Variants in LRRIQ1 observed in about 807,000 individuals in gnomAD.
LRRIQ1 encodes leucine-rich repeat- and IQ domain-containing protein 1.
LRRIQ1 carries 210 observed loss-of-function variants against 211.9 expected under a neutral mutation model. That is an observed-to-expected ratio of 0.99 (90% confidence interval 0.89 to 1.11). The LOEUF (loss-of-function observed/expected upper bound fraction) is 1.11, where lower values mean the gene tolerates loss of function less well. Among genes scored for constraint, LRRIQ1 ranks in the 50% most tolerant of loss-of-function variants. The pLI is 0.00. For synonymous variants in LRRIQ1, 699 were observed against 650.1 expected, an observed-to-expected ratio of 1.08 and a Z score of -1.14; for missense variants, 2,136 against 1,939.5, an observed-to-expected ratio of 1.10 and a Z score of -1.90.
intron 18 of LRRIQ1, among the ~76,000 whole-genome samples, chr12:85,131,020 G>T (rs1180996958): frequency 6.6e-6 from 1 of 150,418 alleles, no homozygotes; most frequent in African/African-American, 2.5e-5. Flanking sequence ...GACCAGTCTG[G>T]CCAACGTGGT....
chr12:85,124,666 A>G (rs2136448654), intron 17 of LRRIQ1, 147 bp downstream of exon 17: 1 of 645,812 alleles, frequency 1.5e-6, no homozygotes, highest in East Asian at 2.8e-5. Context: ...CGTGAGGTGC[A>G]TTATGTTTTC....
chr12:85,237,210 T>G (rs1035759508), intron 26 of LRRIQ1, among the ~76,000 whole-genome samples: 1 of 151,998 alleles, frequency 6.6e-6, no homozygotes, highest in African/African-American at 2.4e-5. Context: ...ATCAAACAAC[T>G]ATTTTATAAG....
intron 1 of LRRIQ1, among the ~76,000 whole-genome samples, chr12:85,257,087 T>TATAATTATATAAATATATATA (rs1593032157): frequency 2.4e-4 from 23 of 93,884 alleles, no homozygotes; most frequent in African/African-American, 7.9e-4. Context: ...TATATAATTA[T>TATAATTATATAAATATATATA]ATTATATAAT....
chr12:85,137,874 C>T lies in LRRIQ1; in HGVS notation c.4234C>T (p.Arg1412Ter), dbSNP rs759290787. ...GGCAGTTTGGAAGGGCTTTATTTTG[C>T]GAAAGAAACTGACAACAGCTCTAGA... ...IQAVWKGFILRKKLTTALEAI... is the reference protein window; with the variant it reads ...IQAVWKGFIL Residue 1412 changes from arginine to a stop codon, truncating the protein, a stop_gained, in exon 19 of 27, where the codon CGA (arginine) becomes TGA (stop). Coordinates refer to ENST00000393217, the MANE Select transcript of LRRIQ1 (RefSeq NM_001079910.2). LOFTEE classifies it high-confidence loss of function. The T allele has an allele frequency of 6.9e-6, 11 of 1,592,772 alleles. No individual in the cohort carries two copies. In the South Asian group the frequency reaches 8.0e-5, roughly 12 times the overall value.
At chr12:85,234,642 A>T (rs1565920040) in intron 26 of LRRIQ1, among the ~76,000 whole-genome samples, 1 of 152,044 alleles carries the variant, frequency 6.6e-6, no homozygotes, top group Non-Finnish European at 1.5e-5. Context: ...AGGGAACTGG[A>T]GGCAGATAAT....
chr12:85,227,996 C>T (rs1894750804), intron 24 of LRRIQ1, among the ~76,000 whole-genome samples: 2 of 152,138 alleles, frequency 1.3e-5, no homozygotes, highest in African/African-American at 4.8e-5. Flanking sequence ...TGGATCCCTT[C>T]CTTACACCTT....
At position 85,244,962 on chromosome 12, in the gene LRRIQ1, G is replaced by A; in HGVS notation, c.*21G>A. The A allele has an allele frequency of 1.2e-6, 2 of 1,607,050 alleles. No homozygotes were observed. The highest frequency in any genetic ancestry group is 1.1e-5 in the South Asian group (1 of 90,386). Reference sequence around the variant, plus strand: ...TTTAGAAATCACAAACGAATTGATGGAACCTAATGCCAACAAGCATTCTTT... The same window carrying A: ...TTTAGAAATCACAAACGAATTGATGAAACCTAATGCCAACAAGCATTCTTT... On this transcript the variant is annotated 3_prime_UTR_variant, in exon 27 of 27. Coordinates refer to ENST00000393217, the MANE Select transcript of LRRIQ1 (RefSeq NM_001079910.2).
In LRRIQ1 at chr12:85,055,948, A is replaced by G. The variant is rs1221277080; in HGVS notation, c.1155A>G (p.Ile385Met). The G allele has an allele frequency of 1.9e-6, 3 of 1,607,908 alleles. No individual in the cohort carries two copies. The highest frequency in any genetic ancestry group is 1.1e-5 in the South Asian group (1 of 89,502). ...AACTAATAAGCAAGGAAAAAATAATATTAAGAGAAGATGCAAGCCAACAGC... is the reference window on the plus strand; with the variant it reads ...AACTAATAAGCAAGGAAAAAATAATGTTAAGAGAAGATGCAAGCCAACAGC... The part of the protein sequence containing the change: ...REQLISKEKI[I>M]LREDASQQLI... Residue 385 changes from isoleucine (I) to methionine (M), a missense_variant, in exon 8 of 27, where the codon ATA becomes ATG. By Grantham distance (10) the Ile-to-Met change is conservative. Coordinates refer to ENST00000393217, the MANE Select transcript of LRRIQ1 (RefSeq NM_001079910.2).
intron 19 of LRRIQ1, among the ~76,000 whole-genome samples, chr12:85,140,149 A>T (rs1012034657): frequency 1.3e-5 from 2 of 151,348 alleles, no homozygotes; most frequent in African/African-American, 2.4e-5. Context: ...ACTGAATTTA[A>T]TTTACCTTGT....
At chr12:85,131,464 C>G (rs1235566362) in intron 18 of LRRIQ1, among the ~76,000 whole-genome samples, 2 of 152,060 alleles carry the variant, frequency 1.3e-5, no homozygotes, top group African/African-American at 4.8e-5. Context: ...AGCACTTACC[C>G]TACCCCACTT....
intron 1 of LRRIQ1, among the ~76,000 whole-genome samples, chr12:85,252,274 G>C (rs1447781156): frequency 1.3e-5 from 2 of 151,752 alleles, no homozygotes; most frequent in South Asian, 4.1e-4. Context: ...AAAGAAAAAA[G>C]GTAGTTTTCT....
intron 24 of LRRIQ1, among the ~76,000 whole-genome samples, chr12:85,171,379 G>T (rs1266229257): frequency 1.3e-5 from 2 of 152,008 alleles, no homozygotes; most frequent in East Asian, 3.9e-4. Context: ...CAAAAGTGAA[G>T]AAAAAGCTGA....
intron 24 of LRRIQ1, among the ~76,000 whole-genome samples, chr12:85,165,495 CAG>C (rs375121997): frequency 1.7e-5 from 2 of 115,798 alleles, no homozygotes; most frequent in African/African-American, 3.4e-5. Flanking sequence ...TTTTTTGAGA[CAG>C]AGTCTTGCTC....
chr12:85,204,320 G>T (rs1893438441), intron 24 of LRRIQ1, among the ~76,000 whole-genome samples: 1 of 152,330 alleles, frequency 6.6e-6, no homozygotes, highest in East Asian at 1.9e-4. Context: ...TGCTAGGGCA[G>T]CAAGGAAGGG....
intron 24 of LRRIQ1, among the ~76,000 whole-genome samples, chr12:85,201,386 A>G (rs1283378170): frequency 6.6e-6 from 1 of 151,552 alleles, no homozygotes; most frequent in Non-Finnish European, 1.5e-5. Context: ...CTTCTTTTAT[A>G]CATTTGGTAT....
At chr12:85,083,480 G>A (rs940474623) in intron 11 of LRRIQ1, among the ~76,000 whole-genome samples, 4 of 147,038 alleles carry the variant, frequency 2.7e-5, no homozygotes, top group East Asian at 2.0e-4. Flanking sequence ...TCACTCTGTC[G>A]CCAGGCTGGA....
At chr12:85,174,723 A>AAAAAAAAAAAAAAAAAC (rs1891602304) in intron 24 of LRRIQ1, among the ~76,000 whole-genome samples, 3 of 148,372 alleles carry the variant, frequency 2.0e-5, no homozygotes, top group African/African-American at 7.5e-5. Context: ...AAAAAAAAAA[A>AAAAAAAAAAAAAAAAAC]TCTGAGATCC....
chr12:85,271,548 A>C, the LRRIQ1 span, among the ~76,000 whole-genome samples: 3 of 152,076 alleles, frequency 2.0e-5, no homozygotes, highest in Non-Finnish European at 4.4e-5. Flanking sequence ...CTTTCTCTAT[A>C]AAAATAGTTT....
At chr12:85,173,199 G>A (rs533213933) in intron 24 of LRRIQ1, among the ~76,000 whole-genome samples, 1 of 152,094 alleles carries the variant, frequency 6.6e-6, no homozygotes, top group African/African-American at 2.4e-5. Context: ...TGTAAATTCT[G>A]TAAATTTAAC....
Sources: gnomAD v4.1 joint callset for allele counts (sites outside exome capture counted in the v4.1 genomes callset) on GRCh38, gnomAD v4.1.1 for gene constraint, MANE v1.5 for transcripts, NCBI Gene and HGNC (gene_info 2026-07-23, HGNC 2026-07-21) for gene names.